Variants in NRXN3 observed in about 807,000 individuals in gnomAD.
NRXN3 encodes neurexin 3, also known as neurexin III.
A neutral mutation model predicts 137.6 loss-of-function variants in NRXN3; 32 were observed. The observed-to-expected ratio is 0.23, with a 90% confidence interval of 0.18 to 0.31. The LOEUF (loss-of-function observed/expected upper bound fraction) is 0.31. Among genes scored for constraint, NRXN3 ranks in the 10% least tolerant of loss-of-function variants. NRXN3 has a pLI of 1.00. For missense variants in NRXN3, 1,574 were observed against 2,062.5 expected (o/e 0.76, Z 4.59); for synonymous variants, 798 against 784.5 (o/e 1.02, Z -0.29).
At chr14:78,669,002 A>T (rs2097911911) in intron 6 of NRXN3, among the ~76,000 whole-genome samples, 1 of 152,100 alleles carries the variant, frequency 6.6e-6, no homozygotes, top group South Asian at 2.1e-4. Flanking sequence ...GTCTACCTAG[A>T]TAGATAGATC....
chr14:79,047,618 A>G (rs1168814121), intron 15 of NRXN3, among the ~76,000 whole-genome samples: 2 of 152,182 alleles, frequency 1.3e-5, no homozygotes. Context: ...AAATAAACAC[A>G]AACAATAAAA....
At chr14:78,503,206 A>G (rs1332227702) in intron 4 of NRXN3, among the ~76,000 whole-genome samples, 1 of 152,142 alleles carries the variant, frequency 6.6e-6, no homozygotes, top group Non-Finnish European at 1.5e-5. Flanking sequence ...AAAATATTGG[A>G]TTGACTGTTT....
intron 15 of NRXN3, among the ~76,000 whole-genome samples, chr14:79,102,996 A>G (rs1056602572): frequency 1.3e-5 from 2 of 152,232 alleles, no homozygotes; most frequent in Non-Finnish European, 2.9e-5. Context: ...TAGTTGCATT[A>G]CATAGTGGAT....
chr14:78,403,960 G>A (rs576221098), intron 4 of NRXN3: 54 of 877,242 alleles, frequency 6.2e-5, no homozygotes, highest in Non-Finnish European at 6.8e-5. Flanking sequence ...GCCTTACATT[G>A]GATGTATTTT....
chr14:79,086,138 C>T (rs370579877), intron 15 of NRXN3, among the ~76,000 whole-genome samples: 17 of 152,080 alleles, frequency 1.1e-4, no homozygotes, highest in South Asian at 2.1e-4. Context: ...AGAGAGCTTC[C>T]GGTAGGATGA....
chr14:79,668,118 C>T (rs559519432), intron 17 of NRXN3, among the ~76,000 whole-genome samples: 8 of 152,008 alleles, frequency 5.3e-5, no homozygotes, highest in South Asian at 2.1e-4. Context: ...AAAATGCACA[C>T]GGATGACCTA....
At chr14:79,549,973 TGTTA>T (rs67289367) in intron 16 of NRXN3, among the ~76,000 whole-genome samples, 43,215 of 151,012 alleles carry the variant, frequency 0.29, 7,748 homozygotes, top group Non-Finnish European at 0.39. Context: ...TTTGTTTGTT[TGTTA>T]GTTTGTTTGT....
intron 15 of NRXN3, among the ~76,000 whole-genome samples, chr14:79,191,853 T>C (rs888129118): frequency 4.6e-5 from 7 of 152,144 alleles, no homozygotes; most frequent in Admixed American, 3.9e-4. Context: ...CCACTGGCGA[T>C]GAGTAAGCAT....
intron 14 of NRXN3, among the ~76,000 whole-genome samples, chr14:78,981,277 T>A (rs2099488782): frequency 6.6e-6 from 1 of 152,242 alleles, no homozygotes; most frequent in Non-Finnish European, 1.5e-5. Flanking sequence ...CAAGACGTCA[T>A]CTTTTCCCAG....
intron 15 of NRXN3, among the ~76,000 whole-genome samples, chr14:79,046,497 G>A (rs1009432872): frequency 3.3e-5 from 5 of 152,158 alleles, no homozygotes; most frequent in Admixed American, 2.6e-4. Context: ...TGTGCTACAG[G>A]CCTGAGTATA....
At chr14:78,363,824 A>T (rs1019553813) in intron 4 of NRXN3, among the ~76,000 whole-genome samples, 1 of 152,172 alleles carries the variant, frequency 6.6e-6, no homozygotes, top group African/African-American at 2.4e-5. Context: ...AGCTGCCCTC[A>T]TGATTTTCCT....
At chr14:78,456,799 C>CTCTTTCTTTCTTTCTTTCTT (rs374674586) in intron 4 of NRXN3, among the ~76,000 whole-genome samples, 1,198 of 97,636 alleles carry the variant, frequency 0.012, 29 homozygotes, top group Middle Eastern at 0.021. Context: ...CTCTCTTTCT[C>CTCTTTCTTTCTTTCTTTCTT]TCTTTCTTTC....
At chr14:79,113,805 G>C (rs1173419165) in intron 15 of NRXN3, among the ~76,000 whole-genome samples, 1 of 152,106 alleles carries the variant, frequency 6.6e-6, no homozygotes, top group Non-Finnish European at 1.5e-5. Context: ...TGTGCATCAG[G>C]ATCACTGGTG....
At chr14:78,299,842 TGTTGTGAATTCCTCTTTTGAGAG>T (rs1174431725) in intron 4 of NRXN3, among the ~76,000 whole-genome samples, 1 of 152,164 alleles carries the variant, frequency 6.6e-6, no homozygotes, top group African/African-American at 2.4e-5. Context: ...CAGACATGGA[TGTTGTGAATTCCTCTTTTGAGAG>T]GTTTTCAAGA....
intron 15 of NRXN3, among the ~76,000 whole-genome samples, chr14:79,034,468 G>A (rs2099612944): frequency 6.6e-6 from 1 of 152,034 alleles, no homozygotes; most frequent in African/African-American, 2.4e-5. Flanking sequence ...CAATTTTGGG[G>A]CAAGTCGCTT....
At chr14:78,402,406 C>G (rs1027672857) in intron 4 of NRXN3, among the ~76,000 whole-genome samples, 1 of 152,104 alleles carries the variant, frequency 6.6e-6, no homozygotes, top group Non-Finnish European at 1.5e-5. Context: ...TAGGAAATTC[C>G]TATTTATATG....
At chr14:78,825,739 T>C (rs1258691794) in intron 10 of NRXN3, among the ~76,000 whole-genome samples, 1 of 152,258 alleles carries the variant, frequency 6.6e-6, no homozygotes, top group Non-Finnish European at 1.5e-5. Context: ...AGGACAACAA[T>C]CTCTGTTTGA....
At chr14:79,786,736 GA>G (rs1349394958) in intron 19 of NRXN3, among the ~76,000 whole-genome samples, 3 of 152,180 alleles carry the variant, frequency 2.0e-5, no homozygotes, top group African/African-American at 7.2e-5. Context: ...GTTCAACTAA[GA>G]TTTATGTAAG....
Position 78,348,378 on chromosome 14 carries a change from CTTTAG to C in NRXN3, c.757+50523_757+50527del, listed in dbSNP as rs1259325057. ...CCAGTTGACACTGAATAAGTCTGTA[CTTTAG>C]TTTACTCTTTCAAGGGCTTGCGATA... On this transcript the variant is annotated intron_variant, in intron 4 of 20. Coordinates refer to ENST00000335750, the MANE Select transcript of NRXN3 (RefSeq NM_001330195.2). 8.5e-5 allele frequency among the ~76,000 whole-genome samples: 13 copies of C among 152,272 alleles called. No individual in the cohort carries two copies. The East Asian group carries it at 2.3e-3, about 27-fold the overall frequency.
Sources: gnomAD v4.1 joint callset for allele counts (sites outside exome capture counted in the v4.1 genomes callset) on GRCh38, gnomAD v4.1.1 for gene constraint, MANE v1.5 for transcripts, NCBI Gene and HGNC (gene_info 2026-07-23, HGNC 2026-07-21) for gene names.